CASP8: variants seen among roughly 807,000 people sequenced by gnomAD.
CASP8 encodes the protein caspase 8, also known as caspase-8.
Under a neutral mutation model 46.3 loss-of-function variants are expected in CASP8, and 24 were observed. The observed-to-expected ratio is 0.52, with a 90% confidence interval of 0.38 to 0.73. The LOEUF (loss-of-function observed/expected upper bound fraction) is 0.73. Ranked by LOEUF, CASP8 falls within the 30% of genes least tolerant of loss-of-function variation. The probability of loss-of-function intolerance (pLI) is 0.00; values close to 1 mark genes in which losing one functional copy is unlikely to be tolerated. For missense variants in CASP8, 460 were observed against 559.0 expected (o/e 0.82, Z 1.79); for synonymous variants, 188 against 200.4 (o/e 0.94, Z 0.52).
chr2:201,269,236 G>C (rs1161333063), intron 2 of CASP8, among the ~76,000 whole-genome samples: 1 of 152,014 alleles, frequency 6.6e-6, no homozygotes. Flanking sequence ...ACTGCGCCTG[G>C]CCAGCATGAC....
chr2:201,282,180 CA>C (rs1949091832), intron 7 of CASP8, among the ~76,000 whole-genome samples: 1 of 51,344 alleles, frequency 1.9e-5, no homozygotes, highest in Non-Finnish European at 4.4e-5. Flanking sequence ...TAACAAAGCA[CA>C]TCTTGCACCG....
chr2:201,283,809 CG>C (rs1258856469), intron 7 of CASP8, among the ~76,000 whole-genome samples: 1 of 49,846 alleles, frequency 2.0e-5, no homozygotes, highest in Admixed American at 1.3e-4. Flanking sequence ...GCTGGCCGGG[CG>C]GGGGGCTGAC....
Position 201,285,085 on chromosome 2 carries a change from C to T in CASP8, c.1072C>T (p.Gln358Ter), listed in dbSNP as rs2125484597. The T allele has an allele frequency of 6.2e-7, 1 of 1,614,146 alleles. No individual in the cohort carries two copies. The highest frequency in any genetic ancestry group is 8.5e-7 in the Non-Finnish European group (1 of 1,180,020). ...TGGAAAACCCAAAGTGTTTTTTATT[C>T]AGGCTTGTCAGGGGGATAACTACCA... ...LAGKPKVFFIQACQGDNYQKG... is the reference protein window; with the variant it reads ...LAGKPKVFFI Residue 358 changes from glutamine to a stop codon, truncating the protein, a stop_gained, in exon 8 of 9, where the codon CAG becomes TAG. Transcript: ENST00000673742. LOFTEE classifies it high-confidence loss of function.
chr2:201,236,859 G>A (rs1030755041), intron 2 of CASP8, among the ~76,000 whole-genome samples: 1 of 152,176 alleles, frequency 6.6e-6, no homozygotes, highest in Admixed American at 6.5e-5. Flanking sequence ...ATCTGCCTCG[G>A]CTGCCCAAAG....
intron 7 of CASP8, among the ~76,000 whole-genome samples, chr2:201,280,222 AAGGAAGT>A (rs1948915602): frequency 6.6e-6 from 1 of 152,164 alleles, no homozygotes; most frequent in Non-Finnish European, 1.5e-5. Flanking sequence ...GATAAAGTCT[AAGGAAGT>A]AGGATAAAAA....
At chr2:201,278,784 G>A (rs765211879) in intron 7 of CASP8, among the ~76,000 whole-genome samples, 103 of 152,080 alleles carry the variant, frequency 6.8e-4, no homozygotes, top group Non-Finnish European at 1.1e-3. Flanking sequence ...CACTCGCCTC[G>A]GCCTACCAAA....
At chr2:201,269,665 C>T in intron 2 of CASP8, 6 of 1,158,982 alleles carry the variant, frequency 5.2e-6, no homozygotes, top group Non-Finnish European at 7.7e-6. Flanking sequence ...TCCGGGCAAT[C>T]CTGACTTACT....
At chr2:201,237,694 T>C (rs185873993) in intron 2 of CASP8, among the ~76,000 whole-genome samples, 1 of 152,250 alleles carries the variant, frequency 6.6e-6, no homozygotes, top group East Asian at 1.9e-4. Flanking sequence ...GAATGCATGC[T>C]GGTTTGTAAA....
At chr2:201,279,674 G>A (rs1174472098) in intron 7 of CASP8, among the ~76,000 whole-genome samples, 1 of 152,150 alleles carries the variant, frequency 6.6e-6, no homozygotes, top group Non-Finnish European at 1.5e-5. Flanking sequence ...ACGAAAGAGA[G>A]GTAGCTTGGT....
rs752831902 is a variant in CASP8 at position 201,266,624 on chromosome 2, G to C, written c.138G>C (p.Gln46His). 4.3e-6 allele frequency: 7 copies of C among 1,614,066 alleles called. No individual in the cohort carries two copies. The Admixed American group carries it at 6.7e-5, about 15-fold the overall frequency. The change falls in exon 2 of 9, where the codon CAG becomes CAC. Residue 46 changes from glutamine to histidine, a missense_variant. Gln to His is a conservative substitution (Grantham distance 24, BLOSUM62 0). Transcript: ENST00000673742. This position sits in a 1 kb window ranked among gnomAD's most constrained non-coding sequence, Gnocchi z 5.7. ...EPIKDALMLF[Q>H]RLQEKRMLEE... The stretch of plus-strand genomic sequence containing the variant: ...TCAAGGATGCCTTGATGTTATTCCA[G>C]AGACTCCAGGAAAAGAGAATGTTGG...
At chr2:201,241,004 A>G (rs1452295353) in intron 2 of CASP8, 1 of 152,214 alleles carries the variant, frequency 6.6e-6, no homozygotes, top group African/African-American at 2.4e-5. Flanking sequence ...AACATACCCA[A>G]ACTTACAGGA....
At chr2:201,269,444 A>G (rs779078833) in intron 2 of CASP8, 2 of 1,101,436 alleles carry the variant, frequency 1.8e-6, no homozygotes, top group Non-Finnish European at 2.7e-6. Flanking sequence ...CTAAAAACCC[A>G]CAGCCCCAGA....
intron 7 of CASP8, 177 bp downstream of exon 7, chr2:201,277,145 T>A (rs1948687488): frequency 1.9e-6 from 1 of 516,480 alleles, no homozygotes; most frequent in Admixed American, 3.5e-5. Context: ...TCCTGCTTTT[T>A]TTAAAAATTA....
At position 201,238,176 on chromosome 2, in the gene CASP8, G is replaced by A. The variant is rs116212362; in HGVS notation, c.-27+4064G>A. On this transcript the variant is annotated intron_variant, in intron 2 of 6. Coordinates refer to the CASP8 transcript ENST00000264274. ...GGGAGGCAAAAAAGAAAAGTATGAG[G>A]GAACAACAGGATGTTGTCAGGAAAC... Among the ~76,000 whole-genome samples, 1,355 of 152,210 alleles carry A rather than the reference G, an allele frequency of 8.9e-3. 18 individuals carry two copies. The highest frequency in any genetic ancestry group is 0.031 in the African/African-American group (1,286 of 41,528).
At position 201,284,827 on chromosome 2, in the gene CASP8, A is replaced by G; in HGVS notation, c.814A>G (p.Thr272Ala). ...GTHLDAGALT[T>A]TFEELHFEIK... ...ATTTCACTTTTCAGGGGCTTTGACC[A>G]CGACCTTTGAAGAGCTTCATTTTGA... Residue 272 changes from threonine (T) to alanine (A), a missense_variant, in exon 8 of 9, where the codon ACG (threonine) becomes GCG (alanine). Transcript: ENST00000673742. 1 of 1,613,636 alleles carries G rather than the reference A, an allele frequency of 6.2e-7. No individual in the cohort carries two copies. The highest frequency in any genetic ancestry group is 8.5e-7 in the Non-Finnish European group (1 of 1,179,984).
chr2:201,263,911 G>GC (rs1947607884), intron 1 of CASP8, among the ~76,000 whole-genome samples: 1 of 152,214 alleles, frequency 6.6e-6, no homozygotes, highest in Admixed American at 6.5e-5. Context: ...TACAAACTGT[G>GC]CAGCAAGGTA....
chr2:201,281,215 G>A (rs1382938639), intron 7 of CASP8, among the ~76,000 whole-genome samples: 1 of 152,156 alleles, frequency 6.6e-6, no homozygotes, highest in African/African-American at 2.4e-5. Flanking sequence ...TTGGGAGGCT[G>A]AGGCAGGAGA....
At chr2:201,248,340 C>T (rs1377943525) in intron 2 of CASP8, among the ~76,000 whole-genome samples, 1 of 152,024 alleles carries the variant, frequency 6.6e-6, no homozygotes, top group East Asian at 1.9e-4. Context: ...TGAGCATCCA[C>T]CTTGTGTACC....
chr2:201,239,373 C>T (rs536118012), intron 2 of CASP8, among the ~76,000 whole-genome samples: 23 of 152,276 alleles, frequency 1.5e-4, no homozygotes, highest in South Asian at 4.1e-4. Context: ...ATCTCCCAGA[C>T]GGGGCGGCTG....
Sources: allele counts gnomAD v4.1 joint callset (sites outside exome capture counted in the v4.1 genomes callset), GRCh38; gene constraint gnomAD v4.1.1; non-coding constraint Gnocchi (gnomAD v3.1); transcripts MANE v1.5; gene names NCBI Gene and HGNC (gene_info 2026-07-23, HGNC 2026-07-21).